GALC: variants seen among roughly 807,000 people sequenced by gnomAD.
GALC encodes galactosylceramidase, also known as galactocerebrosidase.
A neutral mutation model predicts 91.8 loss-of-function variants in GALC; 77 were observed. The ratio of observed to expected loss-of-function variants is 0.84; its 90% CI spans 0.70 to 1.01. The LOEUF (loss-of-function observed/expected upper bound fraction) is 1.01, where lower values mean the gene tolerates loss of function less well. GALC is among the 50% of genes least tolerant of loss of function. The pLI, the probability that GALC is intolerant of heterozygous loss-of-function variation, is 0.00. For synonymous variants in GALC, 357 were observed against 306.7 expected, an observed-to-expected ratio of 1.16 and a Z score of -1.71; for missense variants, 882 against 855.9, an observed-to-expected ratio of 1.03 and a Z score of -0.38.
intron 1 of GALC, chr14:87,989,441 G>T (rs1255373508): frequency 2.0e-5 from 3 of 151,940 alleles, no homozygotes; most frequent in African/African-American, 7.3e-5. Context: ...CCATGGAGCT[G>T]CTCTCTAGCC....
At chr14:87,958,123 A>C in intron 10 of GALC, among the ~76,000 whole-genome samples, 1 of 119,998 alleles carries the variant, frequency 8.3e-6, no homozygotes, top group Non-Finnish European at 2.1e-5. Flanking sequence ...ACAAGGCTAT[A>C]GTAACCAAAA....
At chr14:87,975,506 T>C (rs1215992372) in intron 7 of GALC, among the ~76,000 whole-genome samples, 2 of 152,132 alleles carry the variant, frequency 1.3e-5, no homozygotes, top group African/African-American at 4.8e-5. Flanking sequence ...AATATTTTTA[T>C]GGAAGAAATA....
intron 16 of GALC, among the ~76,000 whole-genome samples, chr14:87,938,580 T>C (rs1295691258): frequency 6.6e-6 from 1 of 152,002 alleles, no homozygotes; most frequent in Non-Finnish European, 1.5e-5. Context: ...TAGTCCATTG[T>C]AATAAATGAT....
chr14:87,968,307 G>C lies in GALC; in HGVS notation c.908+28C>G, dbSNP rs189595699. 3.4e-5 allele frequency: 53 copies of C among 1,560,540 alleles called. No homozygotes were observed. In the Admixed American group the frequency reaches 4.3e-4, roughly 13 times the overall value. Reference sequence around the variant, plus strand: ...TATGTTTTTAAATTTTTTTTGATAAGAACTCTAAAAGGTTTTTAATAACTT... The same window carrying C: ...TATGTTTTTAAATTTTTTTTGATAACAACTCTAAAAGGTTTTTAATAACTT... On this transcript the variant is annotated intron_variant, in intron 8 of 16. Coordinates refer to ENST00000261304, the MANE Select transcript of GALC (RefSeq NM_000153.4).
At chr14:87,977,508 C>T (rs10133933) in intron 6 of GALC, among the ~76,000 whole-genome samples, 115,748 of 151,976 alleles carry the variant, frequency 0.76, 44,869 homozygotes, top group East Asian at 0.98. Context: ...TGCCTATATG[C>T]AAATCAAGAG....
chr14:87,979,686 G>A (rs1886657315), intron 6 of GALC, among the ~76,000 whole-genome samples: 2 of 152,280 alleles, frequency 1.3e-5, no homozygotes, highest in Admixed American at 1.3e-4. Flanking sequence ...GACCACAAGA[G>A]AGACATGTGT....
intron 6 of GALC, among the ~76,000 whole-genome samples, chr14:87,979,966 C>T (rs1451503095): frequency 2.0e-5 from 3 of 152,138 alleles, no homozygotes; most frequent in African/African-American, 7.2e-5. Context: ...CCAATCTGCT[C>T]CCACCACCAC....
intron 16 of GALC, among the ~76,000 whole-genome samples, chr14:87,939,310 T>C (rs1428725340): frequency 6.7e-6 from 1 of 150,308 alleles, no homozygotes; most frequent in African/African-American, 2.4e-5. Flanking sequence ...CTAAACAAAA[T>C]TGTGAGAGAG....
intron 1 of GALC, 39 bp from the exon 2 acceptor site, chr14:87,988,562 T>C: frequency 1.4e-6 from 2 of 1,423,852 alleles, no homozygotes; most frequent in Non-Finnish European, 2.0e-6. Flanking sequence ...ATAAAAGAAA[T>C]CCAGTCATGA....
chr14:87,993,237 C>A, upstream of GALC: 1 of 1,544,776 alleles, frequency 6.5e-7, no homozygotes, highest in Non-Finnish European at 8.7e-7. Flanking sequence ...GGGCAGGAGG[C>A]CGCTGATGCT....
At chr14:87,963,700 T>C (rs1885907809) in intron 9 of GALC, among the ~76,000 whole-genome samples, 189 bp from the exon 10 acceptor site, 1 of 152,086 alleles carries the variant, frequency 6.6e-6, no homozygotes, top group East Asian at 1.9e-4. Context: ...AATGGTACAA[T>C]TGCAAGAAGA....
At chr14:87,991,257 C>T (rs1887187890) in intron 1 of GALC, among the ~76,000 whole-genome samples, 1 of 152,138 alleles carries the variant, frequency 6.6e-6, no homozygotes, top group Non-Finnish European at 1.5e-5. Flanking sequence ...GGCTGGAGTG[C>T]AGTGGTGTGA....
chr14:87,975,710 T>C (rs1297127355), intron 7 of GALC, among the ~76,000 whole-genome samples: 1 of 151,658 alleles, frequency 6.6e-6, no homozygotes, highest in African/African-American at 2.4e-5. Context: ...CATGGAGAGA[T>C]CAATCAGTCT....
At chr14:87,965,911 G>A (rs556661593) in intron 8 of GALC, among the ~76,000 whole-genome samples, 8 of 152,222 alleles carry the variant, frequency 5.3e-5, no homozygotes, top group African/African-American at 1.7e-4. Context: ...GCCAGAAGAC[G>A]AATCATGCCT....
At chr14:87,955,006 A>C (rs17686897) in intron 10 of GALC, 195,684 of 1,379,398 alleles carry the variant, frequency 0.14, 15,387 homozygotes, top group Non-Finnish European at 0.16. Flanking sequence ...AGTGATAGTT[A>C]CTTCCTCAGA....
chr14:87,951,423 T>A (rs565720829), intron 10 of GALC, among the ~76,000 whole-genome samples: 21 of 152,034 alleles, frequency 1.4e-4, no homozygotes, highest in African/African-American at 5.1e-4. Context: ...ATCCATCTCT[T>A]AGTAATTGAT....
chr14:87,962,747 CCTT>C (rs369165096), intron 10 of GALC, among the ~76,000 whole-genome samples: 29 of 152,200 alleles, frequency 1.9e-4, no homozygotes, highest in Non-Finnish European at 4.1e-4. Flanking sequence ...CTGTCTACCT[CCTT>C]CTTGTTGGAA....
chr14:87,951,615 G>C (rs1051903949), intron 10 of GALC, among the ~76,000 whole-genome samples: 2 of 151,744 alleles, frequency 1.3e-5, no homozygotes, highest in Admixed American at 1.3e-4. Context: ...CATAAATACA[G>C]GAAGATTCAA....
chr14:87,992,470 TAAC>T, intron 1 of GALC: 1 of 1,532,504 alleles, frequency 6.5e-7, no homozygotes, highest in Non-Finnish European at 8.7e-7. Context: ...TACCCTGCAC[TAAC>T]AACTGCACGG....
Sources: gnomAD v4.1 joint callset for allele counts (sites outside exome capture counted in the v4.1 genomes callset) on GRCh38, gnomAD v4.1.1 for gene constraint, MANE v1.5 for transcripts, NCBI Gene and HGNC (gene_info 2026-07-23, HGNC 2026-07-21) for gene names.